The following SLC9A7 variants were observed in gnomAD, a reference collection of about 807,000 sequenced individuals.
SLC9A7 encodes the protein solute carrier family 9 member A7, also known as sodium/hydrogen exchanger 7.
SLC9A7 carries 19 observed loss-of-function variants against 52.6 expected under a neutral mutation model. The observed-to-expected ratio is 0.36, with a 90% confidence interval of 0.25 to 0.53. SLC9A7 has a LOEUF of 0.53. SLC9A7 is among the 20% of genes least tolerant of loss of function. The pLI, the probability that SLC9A7 is intolerant of heterozygous loss-of-function variation, is 0.91. For missense variants in SLC9A7, 455 were observed against 597.9 expected, an observed-to-expected ratio of 0.76 and a Z score of 2.49; for synonymous variants, 226 against 252.1, an observed-to-expected ratio of 0.90 and a Z score of 0.98.
chrX:46,640,253 C>T (rs1943385959), intron 12 of SLC9A7, among the ~76,000 whole-genome samples: 1 of 112,191 alleles, frequency 8.9e-6, no homozygotes, highest in Admixed American at 9.4e-5. Context: ...AAGACACCCC[C>T]ATGCATAGAG....
intron 1 of SLC9A7, among the ~76,000 whole-genome samples, chrX:46,714,995 T>G (rs952493695): frequency 8.9e-6 from 1 of 111,901 alleles, no homozygotes; most frequent in Admixed American, 9.5e-5. Context: ...TGAAAGAGAT[T>G]CATTCATCAA....
Position 46,606,591 on chromosome X carries a change from A to G in SLC9A7, c.*361T>C. ...CTTGCACTGCTGTGTACTGAGATGC[A>G]GCCTCTCATGGGAGGAATCCCCCCA... On this transcript the variant is annotated 3_prime_UTR_variant, in exon 17 of 17. Transcript: ENST00000616978. The G allele has an allele frequency of 1.1e-6, 1 of 879,892 alleles. No homozygotes were observed. The highest frequency in any genetic ancestry group is 3.9e-5 in the South Asian group (1 of 25,586). 72.5% of individuals were successfully genotyped at this position (879,892 alleles called of 1,213,427 possible).
Position 46,728,105 on chromosome X carries a change from T to A in SLC9A7, c.325+30600A>T, listed in dbSNP as rs371213343. 3.6e-5 allele frequency among the ~76,000 whole-genome samples: 4 copies of A among 111,715 alleles called. No individual in the cohort carries two copies. In the East Asian group the frequency reaches 8.4e-4, roughly 23 times the overall value. ...TACAAAATAGTTAACCTATTAAGAATGTATTAAGATAAACACAAAAAGCAC... is the reference window on the plus strand; with the variant it reads ...TACAAAATAGTTAACCTATTAAGAAAGTATTAAGATAAACACAAAAAGCAC... On this transcript the variant is annotated intron_variant, in intron 1 of 16. Coordinates refer to ENST00000616978, the MANE Select transcript of SLC9A7 (RefSeq NM_001257291.2).
intron 12 of SLC9A7, among the ~76,000 whole-genome samples, chrX:46,640,592 G>A (rs1195033682): frequency 1.8e-5 from 2 of 111,712 alleles, no homozygotes; most frequent in Non-Finnish European, 3.8e-5. Flanking sequence ...CTATTAAAAG[G>A]ATTAAAAGAC....
chrX:46,612,924 CAAAAAAAAAAAAAAAAAAAAAAAAAA>C (rs57833520), intron 16 of SLC9A7, among the ~76,000 whole-genome samples: 16 of 32,487 alleles, frequency 4.9e-4, no homozygotes, highest in African/African-American at 1.3e-3. Context: ...GACTCCGTCT[CAAAAAAAAAAAAAAAAAAAAAAAAAA>C]AAAAAAAAAA....
chrX:46,705,907 T>TTA (rs1350079710), intron 1 of SLC9A7, among the ~76,000 whole-genome samples: 1 of 110,815 alleles, frequency 9.0e-6, no homozygotes, highest in Non-Finnish European at 1.9e-5. Context: ...GAAGTGCTGG[T>TTA]TATAGTTCAG....
At chrX:46,737,110 T>C (rs1411450063) in intron 1 of SLC9A7, among the ~76,000 whole-genome samples, 2 of 111,697 alleles carry the variant, frequency 1.8e-5, no homozygotes, top group African/African-American at 6.5e-5. Context: ...TCTCACTTTC[T>C]GTTACTTTCT....
At chrX:46,640,997 C>G (rs1055081231) in intron 12 of SLC9A7, among the ~76,000 whole-genome samples, 3 of 112,504 alleles carry the variant, frequency 2.7e-5, no homozygotes, top group African/African-American at 6.5e-5. Context: ...AAACTAAACA[C>G]GTTTACTATC....
Position 46,600,242 on chromosome X carries a change from T to C in SLC9A7, c.*6710A>G, listed in dbSNP as rs1016528236. ...CAGTAACACCTGAATTGTAGCCTTT[T>C]TTAAGTGCTTGAGACAGCAGATGTT... is the stretch of plus-strand genomic sequence containing the variant. On this transcript the variant is annotated 3_prime_UTR_variant, in exon 17 of 17. Transcript: ENST00000616978. 2 of 112,362 alleles carry C rather than the reference T, an allele frequency of 1.8e-5. No homozygotes were observed. The highest frequency in any genetic ancestry group is 6.5e-5 in the African/African-American group (2 of 30,909). 9.3% of individuals were successfully genotyped at this position (112,362 alleles called of 1,213,427 possible).
intron 1 of SLC9A7, among the ~76,000 whole-genome samples, chrX:46,738,779 A>C (rs1452324071): frequency 1.8e-5 from 2 of 109,762 alleles, no homozygotes; most frequent in Non-Finnish European, 3.8e-5. Flanking sequence ...CAAAAAAAAA[A>C]AACAAAACAA....
chrX:46,748,400 G>C (rs76066057), intron 1 of SLC9A7, among the ~76,000 whole-genome samples: 1 of 105,019 alleles, frequency 9.5e-6, no homozygotes, highest in Non-Finnish European at 2.0e-5. Context: ...AGGAAGGAAG[G>C]AAGGAAGGAA....
At chrX:46,678,270 T>C (rs1433263133) in intron 3 of SLC9A7, among the ~76,000 whole-genome samples, 1 of 110,773 alleles carries the variant, frequency 9.0e-6, no homozygotes, top group African/African-American at 3.3e-5. Flanking sequence ...GGGTTTCCTT[T>C]AGTCCTCATT....
intron 1 of SLC9A7, among the ~76,000 whole-genome samples, chrX:46,749,871 A>G (rs905943772): frequency 1.8e-4 from 20 of 110,922 alleles, no homozygotes; most frequent in African/African-American, 6.2e-4. Context: ...ACTTGAGGTC[A>G]GGAGTTTGAG....
chrX:46,658,600 C>T (rs1273880973), intron 7 of SLC9A7, among the ~76,000 whole-genome samples: 45 of 110,368 alleles, frequency 4.1e-4, no homozygotes, highest in East Asian at 8.5e-4. Flanking sequence ...AACACCTCTA[C>T]GCAAATAAAC....
chrX:46,659,251 C>A (rs1943765886), intron 7 of SLC9A7, among the ~76,000 whole-genome samples: 1 of 109,668 alleles, frequency 9.1e-6, no homozygotes, highest in Non-Finnish European at 1.9e-5. Context: ...CTATGACAAA[C>A]CCACAGGCAA....
chrX:46,659,022 A>G (rs1351463259), intron 7 of SLC9A7, among the ~76,000 whole-genome samples: 1 of 111,033 alleles, frequency 9.0e-6, no homozygotes, highest in African/African-American at 3.3e-5. Flanking sequence ...AAGCTTATCC[A>G]CCATGATCAA....
intron 1 of SLC9A7, among the ~76,000 whole-genome samples, chrX:46,689,610 C>CT (rs1342149880): frequency 4.2e-4 from 40 of 94,272 alleles, no homozygotes; most frequent in East Asian, 3.7e-3. Flanking sequence ...TTTTTCAGTT[C>CT]TTTTTTTTTT....
chrX:46,707,056 C>A, intron 1 of SLC9A7, among the ~76,000 whole-genome samples: 1 of 111,440 alleles, frequency 9.0e-6, no homozygotes, highest in Non-Finnish European at 1.9e-5. Flanking sequence ...TAAACTTTTT[C>A]TTTGACAGCT....
At chrX:46,738,779 A>G (rs1452324071) in intron 1 of SLC9A7, among the ~76,000 whole-genome samples, 2 of 109,762 alleles carry the variant, frequency 1.8e-5, no homozygotes, top group African/African-American at 6.6e-5. Flanking sequence ...CAAAAAAAAA[A>G]AACAAAACAA....
Sources: allele counts gnomAD v4.1 joint callset (sites outside exome capture counted in the v4.1 genomes callset), GRCh38; gene constraint gnomAD v4.1.1; transcripts MANE v1.5; gene names NCBI Gene and HGNC (gene_info 2026-07-23, HGNC 2026-07-21).